The following PTPRD variants were observed in gnomAD, a reference collection of about 807,000 sequenced individuals.
The protein encoded by PTPRD is receptor-type tyrosine-protein phosphatase delta.
A neutral mutation model predicts 214.5 loss-of-function variants in PTPRD; 34 were observed. The observed-to-expected ratio is 0.16, with a 90% CI of 0.12 to 0.21. The LOEUF (loss-of-function observed/expected upper bound fraction) is 0.21, where lower values mean the gene tolerates loss of function less well. Among genes scored for constraint, PTPRD ranks in the 10% least tolerant of loss-of-function variants. The probability of loss-of-function intolerance (pLI) is 1.00; values close to 1 mark genes in which losing one functional copy is unlikely to be tolerated. For synonymous variants in PTPRD, 1,128 were observed against 845.7 expected, an observed-to-expected ratio of 1.33 and a Z score of -5.79; for missense variants, 2,545 against 2,398.7, an observed-to-expected ratio of 1.06 and a Z score of -1.27.
chr9:8,497,145 A>C, intron 26 of PTPRD, 97 bp downstream of exon 26: 1 of 1,097,448 alleles, frequency 9.1e-7, no homozygotes. Flanking sequence ...CATGCATCCA[A>C]GCAAACTGTG....
Position 8,930,999 on chromosome 9 carries a change from C to T in PTPRD, c.-104+87698G>A, listed in dbSNP as rs984827212. ...CATTTGTCAATTTTGGCTTTTGTTG[C>T]CATTGCTTTGGGTGTTTTAGACATG... is the stretch of plus-strand genomic sequence containing the variant. On this transcript the variant is annotated intron_variant, in intron 11 of 45. Coordinates refer to ENST00000381196, the MANE Select transcript of PTPRD (RefSeq NM_002839.4). Among the ~76,000 whole-genome samples, 3 of 152,186 alleles carry T rather than the reference C, an allele frequency of 2.0e-5. No individual in the cohort carries two copies. The South Asian group carries it at 6.2e-4, about 32-fold the overall frequency.
At chr9:10,465,259 C>G (rs1487154485) in intron 2 of PTPRD, among the ~76,000 whole-genome samples, 6 of 152,174 alleles carry the variant, frequency 3.9e-5, no homozygotes, top group Non-Finnish European at 8.8e-5. Context: ...AGCATATGTA[C>G]ATGACATGTA....
intron 8 of PTPRD, among the ~76,000 whole-genome samples, chr9:9,487,063 T>A (rs10217773): frequency 1.3e-5 from 2 of 152,054 alleles, no homozygotes; most frequent in Non-Finnish European, 2.9e-5. Context: ...TTTTCTTTTT[T>A]ATTATTATTA....
At chr9:9,968,044 T>C (rs2094829779) in intron 4 of PTPRD, among the ~76,000 whole-genome samples, 1 of 152,178 alleles carries the variant, frequency 6.6e-6, no homozygotes, top group Non-Finnish European at 1.5e-5. Context: ...CTCACGCATA[T>C]CATAATGACT....
intron 9 of PTPRD, among the ~76,000 whole-genome samples, chr9:9,288,970 G>C (rs1950333365): frequency 1.3e-5 from 2 of 151,796 alleles, no homozygotes; most frequent in African/African-American, 2.4e-5. Flanking sequence ...GTTTCCTGTA[G>C]GCTCCCCAGC....
At chr9:9,657,353 G>A (rs2154377361) in intron 7 of PTPRD, among the ~76,000 whole-genome samples, 1 of 152,060 alleles carries the variant, frequency 6.6e-6, no homozygotes, top group South Asian at 2.1e-4. Context: ...TACACAAGAA[G>A]AAAAAAACAA....
At chr9:8,800,519 G>A (rs1306078645) in intron 11 of PTPRD, among the ~76,000 whole-genome samples, 1 of 152,098 alleles carries the variant, frequency 6.6e-6, no homozygotes, top group Admixed American at 6.6e-5. Flanking sequence ...GTGACTTCTG[G>A]TCATTCTCAC....
intron 2 of PTPRD, among the ~76,000 whole-genome samples, chr9:10,501,808 T>C (rs923054577): frequency 1.3e-5 from 2 of 152,006 alleles, no homozygotes; most frequent in Non-Finnish European, 2.9e-5. Flanking sequence ...AATTGCTTTG[T>C]TGACAAATTC....
At chr9:8,768,119 G>A (rs2094904416) in intron 11 of PTPRD, among the ~76,000 whole-genome samples, 1 of 152,158 alleles carries the variant, frequency 6.6e-6, no homozygotes, top group East Asian at 1.9e-4. Context: ...TTAAGTGTGG[G>A]CGTGATAGCT....
chr9:8,745,355 C>T (rs911167353), intron 11 of PTPRD, among the ~76,000 whole-genome samples: 1 of 152,072 alleles, frequency 6.6e-6, no homozygotes, highest in African/African-American at 2.4e-5. Flanking sequence ...ATGATTAATT[C>T]CAAAGTGATC....
chr9:10,429,321 T>A (rs1036029476), intron 2 of PTPRD, among the ~76,000 whole-genome samples: 9 of 151,884 alleles, frequency 5.9e-5, no homozygotes, highest in African/African-American at 2.2e-4. Flanking sequence ...AACCCAGCAA[T>A]CCCACTACTG....
intron 3 of PTPRD, among the ~76,000 whole-genome samples, chr9:10,320,497 G>A (rs1020000949): frequency 1.3e-5 from 2 of 151,908 alleles, no homozygotes; most frequent in African/African-American, 4.8e-5. Flanking sequence ...TTGCAAAAAC[G>A]AATGTATCTT....
chr9:8,344,488 A>C (rs187033831), intron 39 of PTPRD, among the ~76,000 whole-genome samples: 1 of 152,074 alleles, frequency 6.6e-6, no homozygotes, highest in African/African-American at 2.4e-5. Context: ...AAAAAATCAA[A>C]TACGTGTGAG....
chr9:8,603,615 C>G (rs1468236068), intron 14 of PTPRD, among the ~76,000 whole-genome samples: 1 of 151,980 alleles, frequency 6.6e-6, no homozygotes, highest in Non-Finnish European at 1.5e-5. Context: ...AGAAGTCACC[C>G]GAATTCAGCA....
intron 3 of PTPRD, among the ~76,000 whole-genome samples, chr9:10,051,427 C>A (rs1257291289): frequency 6.6e-6 from 1 of 151,904 alleles, no homozygotes; most frequent in Non-Finnish European, 1.5e-5. Context: ...TGTGATATTA[C>A]AATCTTTTTT....
intron 11 of PTPRD, among the ~76,000 whole-genome samples, chr9:8,924,493 G>A (rs768129670): frequency 6.6e-6 from 1 of 152,094 alleles, no homozygotes; most frequent in African/African-American, 2.4e-5. Flanking sequence ...TTTATTTGGG[G>A]AGGCAAATAT....
chr9:8,640,681 T>TAA (rs59897269), intron 12 of PTPRD, among the ~76,000 whole-genome samples: 47 of 133,126 alleles, frequency 3.5e-4, no homozygotes, highest in South Asian at 1.4e-3. Flanking sequence ...AGAAATTCTG[T>TAA]AAAAAAAAAA....
At chr9:9,762,756 G>C (rs1401847413) in intron 6 of PTPRD, among the ~76,000 whole-genome samples, 2 of 152,138 alleles carry the variant, frequency 1.3e-5, no homozygotes, top group African/African-American at 4.8e-5. Flanking sequence ...TTATTATCAA[G>C]ATGTGAAGAC....
chr9:9,118,242 T>C (rs975374156), intron 10 of PTPRD, among the ~76,000 whole-genome samples: 1 of 152,236 alleles, frequency 6.6e-6, no homozygotes, highest in African/African-American at 2.4e-5. Context: ...CAAAATAATA[T>C]GCAAGTAAAA....
Sources: allele counts gnomAD v4.1 joint callset (sites outside exome capture counted in the v4.1 genomes callset), GRCh38; gene constraint gnomAD v4.1.1; transcripts MANE v1.5; gene names NCBI Gene and HGNC (gene_info 2026-07-23, HGNC 2026-07-21).